MVB12B: variants seen among roughly 807,000 people sequenced by gnomAD.
MVB12B encodes ESCRT-I complex subunit MVB12B.
Under a neutral mutation model 41.6 loss-of-function variants are expected in MVB12B, and 16 were observed. The observed-to-expected ratio is 0.38, with a 90% CI of 0.26 to 0.58. The LOEUF (loss-of-function observed/expected upper bound fraction) is 0.58, where lower values mean the gene tolerates loss of function less well. MVB12B is among the 20% of genes least tolerant of loss of function. MVB12B has a pLI of 0.62. For missense variants in MVB12B, 274 were observed against 380.2 expected (o/e 0.72, Z 2.32); for synonymous variants, 133 against 139.7 (o/e 0.95, Z 0.34).
At chr9:126,355,352 A>G (rs1440591526) in intron 2 of MVB12B, among the ~76,000 whole-genome samples, 2 of 152,200 alleles carry the variant, frequency 1.3e-5, no homozygotes, top group Non-Finnish European at 2.9e-5. Context: ...CTGGGATGTG[A>G]GGCCCACGTG....
intron 6 of MVB12B, among the ~76,000 whole-genome samples, chr9:126,407,576 T>G (rs908337384): frequency 1.3e-5 from 2 of 152,170 alleles, no homozygotes; most frequent in African/African-American, 4.8e-5. Context: ...ATTGGCCTTG[T>G]TGGTGGCAAG....
At chr9:126,467,252 G>T (rs1397171789) in intron 7 of MVB12B, among the ~76,000 whole-genome samples, 2 of 152,136 alleles carry the variant, frequency 1.3e-5, no homozygotes, top group Non-Finnish European at 2.9e-5. Flanking sequence ...TGTACCTTGT[G>T]TAATATCCCT....
At chr9:126,355,931 A>C (rs2118874525) in intron 2 of MVB12B, among the ~76,000 whole-genome samples, 1 of 152,334 alleles carries the variant, frequency 6.6e-6, no homozygotes, top group African/African-American at 2.4e-5. Context: ...ACCCATTAAA[A>C]GTTGCTCCTC....
At chr9:126,422,394 C>G (rs1488720717) in intron 7 of MVB12B, among the ~76,000 whole-genome samples, 2 of 152,186 alleles carry the variant, frequency 1.3e-5, no homozygotes, top group Non-Finnish European at 2.9e-5. Flanking sequence ...CCTCACACCC[C>G]TGGAGCATGA....
At position 126,367,699 on chromosome 9, in the gene MVB12B, G is replaced by T. The variant is rs1390790575; in HGVS notation, c.205-13365G>T. Among the ~76,000 whole-genome samples, 1 of 152,164 alleles carries T rather than the reference G, an allele frequency of 6.6e-6. No homozygotes were observed. Among genetic ancestry groups the T allele is most frequent in the East Asian group, 1.9e-4 (1 of 5,202 alleles). On this transcript the variant is annotated intron_variant, in intron 2 of 9. Coordinates refer to ENST00000361171, the MANE Select transcript of MVB12B (RefSeq NM_033446.3). This position sits in a 1 kb window ranked among gnomAD's most constrained non-coding sequence, Gnocchi z 4.3. Reference sequence around the variant, plus strand: ...TACTGTGTCTGCCCCTGCACTAGTTGCTTCCACACACAGTATTTATTTCAC... The same window carrying T: ...TACTGTGTCTGCCCCTGCACTAGTTTCTTCCACACACAGTATTTATTTCAC...
At chr9:126,329,939 C>G (rs1829082940) in intron 1 of MVB12B, among the ~76,000 whole-genome samples, 1 of 146,042 alleles carries the variant, frequency 6.8e-6, no homozygotes, top group Admixed American at 6.8e-5. Context: ...AACCCCGGCT[C>G]TCCTTGGCCT....
intron 7 of MVB12B, among the ~76,000 whole-genome samples, chr9:126,430,166 C>G (rs950064905): frequency 2.0e-5 from 3 of 152,166 alleles, no homozygotes; most frequent in African/African-American, 7.2e-5. Context: ...CTCCAAAGAC[C>G]TCCTTGGTCC....
chr9:126,346,191 A>C (rs1425852736), intron 2 of MVB12B, among the ~76,000 whole-genome samples: 1 of 152,214 alleles, frequency 6.6e-6, no homozygotes. Context: ...GGGGAGGATA[A>C]GCAGTGAGGC....
intron 7 of MVB12B, among the ~76,000 whole-genome samples, chr9:126,446,262 T>G (rs1832763135): frequency 6.6e-6 from 1 of 152,132 alleles, no homozygotes; most frequent in Non-Finnish European, 1.5e-5. Flanking sequence ...TTATTTTGTT[T>G]TGATGATTTA....
At chr9:126,434,319 G>A (rs896549239) in intron 7 of MVB12B, among the ~76,000 whole-genome samples, 1 of 152,106 alleles carries the variant, frequency 6.6e-6, no homozygotes, top group African/African-American at 2.4e-5. Context: ...AGAGAATAAG[G>A]TTCTTGATTC....
intron 7 of MVB12B, among the ~76,000 whole-genome samples, chr9:126,458,668 G>A (rs546267695): frequency 2.2e-3 from 341 of 152,226 alleles, no homozygotes; most frequent in African/African-American, 7.4e-3. Flanking sequence ...TGGCTTATTG[G>A]TATCTTTCTA....
chr9:126,494,872 C>G (rs545826611), intron 9 of MVB12B, among the ~76,000 whole-genome samples: 8 of 151,584 alleles, frequency 5.3e-5, no homozygotes, highest in Non-Finnish European at 7.4e-5. Flanking sequence ...CACCCCACCC[C>G]CCCCCAGGGT....
At chr9:126,336,320 T>C (rs973814745) in intron 1 of MVB12B, among the ~76,000 whole-genome samples, 3 of 152,222 alleles carry the variant, frequency 2.0e-5, no homozygotes, top group Admixed American at 1.3e-4. Flanking sequence ...AGCTCTGTTT[T>C]CTCCCAGACT....
At chr9:126,487,178 A>C (rs1175953449) in intron 9 of MVB12B, among the ~76,000 whole-genome samples, 2 of 152,166 alleles carry the variant, frequency 1.3e-5, no homozygotes, top group African/African-American at 4.8e-5. Context: ...CTTTTTCTGC[A>C]CGATCAGGAT....
rs1449368742 is a variant in MVB12B at position 126,478,835 on chromosome 9, A to G, written c.758-2534A>G. The stretch of plus-strand genomic sequence containing the variant: ...TCACCTTACCACCTTCGTAACACAC[A>G]GGATCCCTAGACATACAGTGACATG... On this transcript the variant is annotated intron_variant, in intron 7 of 9. Coordinates refer to ENST00000361171, the MANE Select transcript of MVB12B (RefSeq NM_033446.3). This position sits in a 1 kb window ranked among gnomAD's most constrained non-coding sequence, Gnocchi z 4.2. Among the ~76,000 whole-genome samples, 2 of 152,188 alleles carry G rather than the reference A, an allele frequency of 1.3e-5. No homozygotes were observed. The highest frequency in any genetic ancestry group is 2.9e-5 in the Non-Finnish European group (2 of 68,026).
intron 2 of MVB12B, among the ~76,000 whole-genome samples, chr9:126,377,664 G>C (rs1394396975): frequency 6.6e-6 from 1 of 152,008 alleles, no homozygotes; most frequent in Admixed American, 6.5e-5. Flanking sequence ...GGGGTAAAAT[G>C]GCAAGCAGAA....
At chr9:126,499,955 G>A (rs1483860259) in intron 9 of MVB12B, among the ~76,000 whole-genome samples, 1 of 152,066 alleles carries the variant, frequency 6.6e-6, no homozygotes, top group Non-Finnish European at 1.5e-5. Context: ...TGGCCACAGA[G>A]ACTGGGACAG....
intron 7 of MVB12B, among the ~76,000 whole-genome samples, chr9:126,474,570 A>G (rs1432066956): frequency 6.6e-6 from 1 of 152,006 alleles, no homozygotes; most frequent in Non-Finnish European, 1.5e-5. Context: ...AACACACAAA[A>G]TCCCTCCCTA....
chr9:126,412,619 C>T (rs1465902410), intron 6 of MVB12B, among the ~76,000 whole-genome samples: 1 of 152,110 alleles, frequency 6.6e-6, no homozygotes, highest in Non-Finnish European at 1.5e-5. Flanking sequence ...AATTTCTCAT[C>T]CAAAAAAATT....
Sources: gnomAD v4.1 joint callset for allele counts (sites outside exome capture counted in the v4.1 genomes callset) on GRCh38, gnomAD v4.1.1 for gene constraint, Gnocchi (gnomAD v3.1) non-coding constraint, MANE v1.5 for transcripts, NCBI Gene and HGNC (gene_info 2026-07-23, HGNC 2026-07-21) for gene names.